GREB1L: variants seen among roughly 807,000 people sequenced by gnomAD.
GREB1L encodes GREB1-like protein.
Under a neutral mutation model 200.8 loss-of-function variants are expected in GREB1L, and 17 were observed. That is an observed-to-expected ratio of 0.08 (90% CI 0.06 to 0.13). GREB1L has a LOEUF of 0.13. GREB1L is among the 10% of genes least tolerant of loss of function. The pLI is 1.00. For synonymous variants in GREB1L, 789 were observed against 893.0 expected (o/e 0.88, Z 2.08); for missense variants, 1,657 against 2,367.7 (o/e 0.70, Z 6.23).
At chr18:21,255,244 T>C (rs148968112) in intron 1 of GREB1L, among the ~76,000 whole-genome samples, 94 of 152,338 alleles carry the variant, frequency 6.2e-4, no homozygotes, top group African/African-American at 2.2e-3. Context: ...TTCCTACCTG[T>C]ACCTTGATAT....
intron 1 of GREB1L, among the ~76,000 whole-genome samples, chr18:21,262,633 G>A: frequency 6.6e-6 from 1 of 152,100 alleles, no homozygotes; most frequent in East Asian, 1.9e-4. Flanking sequence ...ACATGATTTG[G>A]AAGTTAGTAT....
chr18:21,383,784 C>G lies in GREB1L; in HGVS notation c.157+109C>G. 3.8e-6 allele frequency: 4 copies of G among 1,053,744 alleles called. No homozygotes were observed. In the South Asian group the frequency reaches 5.9e-5, roughly 15 times the overall value. The allele number at this position is 1,053,744 out of a possible 1,614,324, so 65.3% of individuals were successfully genotyped here. A position where few individuals can be genotyped will look rare whatever the true frequency, so the allele number is the denominator to read the frequency against. On this transcript the variant is annotated intron_variant, in intron 3 of 32. Transcript: ENST00000424526. ...CTGGAGTGCAGTGGCGTGATCTCGG[C>G]TCACTGCAACGTCTGCCTCCTGGGT...
intron 20 of GREB1L, 113 bp from the exon 21 acceptor site, chr18:21,496,341 C>A: frequency 8.7e-7 from 1 of 1,152,842 alleles, no homozygotes; most frequent in Non-Finnish European, 1.2e-6. Flanking sequence ...GCTCACCTGG[C>A]ACTGAAACCT....
intron 7 of GREB1L, among the ~76,000 whole-genome samples, chr18:21,415,588 GGAAA>G (rs773672640): frequency 6.6e-6 from 1 of 151,942 alleles, no homozygotes; most frequent in African/African-American, 2.4e-5. Flanking sequence ...GAAAAGAAAA[GGAAA>G]GAAAGAGAGA....
At chr18:21,517,291 T>C (rs1003539187) in intron 30 of GREB1L, among the ~76,000 whole-genome samples, 1 of 152,216 alleles carries the variant, frequency 6.6e-6, no homozygotes, top group African/African-American at 2.4e-5. Flanking sequence ...GCCTTAAATC[T>C]AAGTTTCTTT....
chr18:21,277,177 C>T (rs1355144636), intron 1 of GREB1L, among the ~76,000 whole-genome samples: 1 of 152,044 alleles, frequency 6.6e-6, no homozygotes, highest in Non-Finnish European at 1.5e-5. Context: ...ATCCGCCTGC[C>T]TCGGCCTCCC....
chr18:21,449,885 T>A (rs1263501055), intron 12 of GREB1L, 49 bp downstream of exon 12: 2 of 1,344,712 alleles, frequency 1.5e-6, no homozygotes, highest in East Asian at 2.5e-5. Flanking sequence ...CATTCGACCA[T>A]TTTTCCATTT....
At chr18:21,284,147 C>A (rs2038316058) in intron 1 of GREB1L, among the ~76,000 whole-genome samples, 1 of 152,018 alleles carries the variant, frequency 6.6e-6, no homozygotes, top group African/African-American at 2.4e-5. Context: ...CCAGTTGATT[C>A]AATGGTCTGT....
At chr18:21,254,172 C>T (rs1307102368) in intron 1 of GREB1L, among the ~76,000 whole-genome samples, 2 of 147,242 alleles carry the variant, frequency 1.4e-5, no homozygotes, top group East Asian at 2.0e-4. Context: ...CGGGTTCAAG[C>T]GATTCTCCTG....
intron 7 of GREB1L, among the ~76,000 whole-genome samples, chr18:21,429,073 G>A (rs1277141209): frequency 6.6e-6 from 1 of 151,572 alleles, no homozygotes; most frequent in Non-Finnish European, 1.5e-5. Context: ...GTTGAGCATT[G>A]TTATGTACAC....
At chr18:21,249,936 TATG>T (rs2037674432) in intron 1 of GREB1L, among the ~76,000 whole-genome samples, 1 of 149,316 alleles carries the variant, frequency 6.7e-6, no homozygotes, top group Non-Finnish European at 1.5e-5. Context: ...TTGAGGAAAA[TATG>T]ATGTTTTTTA....
At chr18:21,406,058 T>TAAA (rs34222462) in intron 7 of GREB1L, among the ~76,000 whole-genome samples, 137 of 124,860 alleles carry the variant, frequency 1.1e-3, no homozygotes, top group East Asian at 3.5e-3. Flanking sequence ...AGACCCTGTC[T>TAAA]AAAAAAAAAA....
At chr18:21,250,107 T>G (rs1287632960) in intron 1 of GREB1L, among the ~76,000 whole-genome samples, 1 of 152,050 alleles carries the variant, frequency 6.6e-6, no homozygotes, top group African/African-American at 2.4e-5. Flanking sequence ...GGAAGAGGGT[T>G]TCAGCTTGTT....
intron 11 of GREB1L, among the ~76,000 whole-genome samples, chr18:21,447,579 G>A (rs1403101145): frequency 6.6e-6 from 1 of 152,192 alleles, no homozygotes; most frequent in African/African-American, 2.4e-5. Flanking sequence ...GTCCTGGAGT[G>A]AGTCTTATGG....
intron 21 of GREB1L, among the ~76,000 whole-genome samples, chr18:21,497,833 T>C (rs1275447324): frequency 7.7e-6 from 1 of 130,244 alleles, no homozygotes. Context: ...TTTTTTTTTT[T>C]TTTTTGAGAT....
rs2037632425 is a variant in GREB1L, at chr18:21,523,178, A to G, written c.*357A>G. On this transcript the variant is annotated 3_prime_UTR_variant, in exon 33 of 33. Transcript: ENST00000424526. ...AGGGGGAAACTGACTGTCAGGATTA[A>G]CTAGCCTGAATGTGTTACATGAGAC... The G allele has an allele frequency of 1.2e-5, 2 of 169,368 alleles. No individual in the cohort carries two copies. The highest frequency in any genetic ancestry group is 4.8e-5 in the African/African-American group (2 of 41,882). The allele number at this position is 169,368 out of a possible 1,614,324, so 10.5% of individuals were successfully genotyped here.
At chr18:21,363,393 C>T (rs1212137432) in intron 1 of GREB1L, among the ~76,000 whole-genome samples, 1 of 150,726 alleles carries the variant, frequency 6.6e-6, no homozygotes, top group Non-Finnish European at 1.5e-5. Flanking sequence ...AGTGAAAAGG[C>T]AATCCACAAA....
At chr18:21,318,808 T>C (rs978716881) in intron 1 of GREB1L, among the ~76,000 whole-genome samples, 2 of 151,846 alleles carry the variant, frequency 1.3e-5, no homozygotes, top group Non-Finnish European at 2.9e-5. Flanking sequence ...AGATGCCCAC[T>C]GACCAAGAAG....
At chr18:21,484,778 G>A (rs1251059078) in intron 17 of GREB1L, among the ~76,000 whole-genome samples, 1 of 152,048 alleles carries the variant, frequency 6.6e-6, no homozygotes, top group Non-Finnish European at 1.5e-5. Context: ...AGCCAAGATC[G>A]CACCATTGCA....
Sources: gnomAD v4.1 joint callset for allele counts (sites outside exome capture counted in the v4.1 genomes callset) on GRCh38, gnomAD v4.1.1 for gene constraint, MANE v1.5 for transcripts, NCBI Gene and HGNC (gene_info 2026-07-23, HGNC 2026-07-21) for gene names.